The following ADAM7 variants were observed in gnomAD, a reference collection of about 807,000 sequenced individuals.
ADAM7 encodes ADAM metallopeptidase domain 7.
A neutral mutation model predicts 102.9 loss-of-function variants in ADAM7; 97 were observed. That is an observed-to-expected ratio of 0.94 (90% CI 0.80 to 1.12). ADAM7 has a LOEUF of 1.12. ADAM7 is among the 50% of genes most tolerant of loss of function. The pLI, the probability that ADAM7 is intolerant of heterozygous loss-of-function variation, is 0.00. For missense variants in ADAM7, 991 were observed against 908.7 expected (o/e 1.09, Z -1.16); for synonymous variants, 334 against 304.4 (o/e 1.10, Z -1.01).
rs1224850588 is a variant in ADAM7, at chr8:24,482,261, A to G, written c.825A>G (p.Gln275=). 6.2e-7 allele frequency: 1 copy of G among 1,611,642 alleles called. No individual in the cohort carries two copies. Among genetic ancestry groups the G allele is most frequent in the South Asian group, 1.1e-5 (1 of 90,114 alleles). The change falls in exon 9 of 22, where the codon CAA becomes CAG. Residue 275 remains glutamine (Q), a synonymous_variant. Transcript: ENST00000175238. ...ETTLLRFSFW[Q]EKILKTRKDF... The stretch of plus-strand genomic sequence containing the variant: ...CCTTATTGCGTTTTTCATTTTGGCA[A>G]GAAAAGATCCTTAAAACACGGAAGG...
At position 24,465,748 on chromosome 8, in the gene ADAM7, C is replaced by T. The variant is rs1261527756; in HGVS notation, c.362C>T (p.Ala121Val). Residue 121 changes from alanine to valine, a missense_variant, in exon 5 of 22, where the codon GCC becomes GTC. Physicochemically the swap from Ala to Val is moderately conservative, Grantham distance 64. Coordinates refer to ENST00000175238, the MANE Select transcript of ADAM7 (RefSeq NM_003817.4). ...GSIVHEYDSA[A>V]SISTCNGLRG... ...ATAGTACACGAATATGATTCAGCTGCCAGTATCAGTACGTGTAATGGTCTA... is the reference window on the plus strand; with the variant it reads ...ATAGTACACGAATATGATTCAGCTGTCAGTATCAGTACGTGTAATGGTCTA... The T allele has an allele frequency of 4.3e-6, 7 of 1,610,566 alleles. No individual in the cohort carries two copies. In the East Asian group the frequency reaches 1.3e-4, roughly 31 times the overall value.
intron 3 of ADAM7, among the ~76,000 whole-genome samples, chr8:24,461,066 T>C (rs1819225075): frequency 6.6e-6 from 1 of 152,120 alleles, no homozygotes; most frequent in South Asian, 2.1e-4. Context: ...TTCGCCAATT[T>C]TCTGTATGCT....
chr8:24,508,442 A>G (rs1821022639), intron 21 of ADAM7, 104 bp from the exon 22 acceptor site: 1 of 1,192,758 alleles, frequency 8.4e-7, no homozygotes, highest in African/African-American at 1.5e-5. Flanking sequence ...ACTACAGAAC[A>G]CAGAAAGGTT....
At chr8:24,475,890 G>A (rs1173707563) in intron 7 of ADAM7, 1 of 456,126 alleles carries the variant, frequency 2.2e-6, no homozygotes, top group Non-Finnish European at 4.4e-6. Context: ...GAGTAGACTG[G>A]ACATGAAAAG....
At chr8:24,455,728 T>TTTTC (rs1297260003) in intron 3 of ADAM7, among the ~76,000 whole-genome samples, 4 of 152,234 alleles carry the variant, frequency 2.6e-5, no homozygotes, top group Admixed American at 6.5e-5. Flanking sequence ...ACACTGAATT[T>TTTTC]TTTCTTTGTA....
intron 2 of ADAM7, among the ~76,000 whole-genome samples, chr8:24,445,012 G>T (rs1485439994): frequency 6.6e-6 from 1 of 151,906 alleles, no homozygotes; most frequent in Non-Finnish European, 1.5e-5. Context: ...AAACCAAATT[G>T]TTATTAAAAA....
At chr8:24,498,247 T>G (rs1433308643) in intron 16 of ADAM7, among the ~76,000 whole-genome samples, 1 of 151,810 alleles carries the variant, frequency 6.6e-6, no homozygotes, top group Non-Finnish European at 1.5e-5. Context: ...ATAAATAATT[T>G]TGACAATGTA....
intron 9 of ADAM7, 76 bp from the exon 10 acceptor site, chr8:24,485,201 G>A: frequency 7.6e-7 from 1 of 1,319,846 alleles, no homozygotes; most frequent in Non-Finnish European, 1.1e-6. Context: ...CATTGCTGGG[G>A]TTCACTGCAA....
chr8:24,503,576 C>T (rs544034658), intron 20 of ADAM7, among the ~76,000 whole-genome samples: 2 of 152,286 alleles, frequency 1.3e-5, no homozygotes, highest in South Asian at 2.1e-4. Context: ...CACATGCACA[C>T]GTACGTTTAC....
chr8:24,453,233 T>C (rs1818869485), intron 3 of ADAM7, among the ~76,000 whole-genome samples: 1 of 152,138 alleles, frequency 6.6e-6, no homozygotes, highest in Admixed American at 6.5e-5. Context: ...CTGGATAATA[T>C]CTTGCAGAGT....
At chr8:24,460,503 C>T (rs1005722820) in intron 3 of ADAM7, among the ~76,000 whole-genome samples, 1 of 151,936 alleles carries the variant, frequency 6.6e-6, no homozygotes, top group African/African-American at 2.4e-5. Flanking sequence ...TTATTTTTCA[C>T]TTTCCCTGCT....
At position 24,450,920 on chromosome 8, in the gene ADAM7, A is replaced by T. The variant is rs990944817; in HGVS notation, c.233+3658A>T. Among the ~76,000 whole-genome samples the T allele has an allele frequency of 7.6e-4, 115 of 152,134 alleles. 3 individuals are homozygous for T. The highest frequency in any genetic ancestry group is 5.9e-5 in the Non-Finnish European group (4 of 68,020). ...CTATTGAGATAATCATGTGGTTTTC[A>T]TCTTTGGTTCTGTTTATATGCTAGA... is the stretch of plus-strand genomic sequence containing the variant. On this transcript the variant is annotated intron_variant, in intron 3 of 21. Coordinates refer to ENST00000175238, the MANE Select transcript of ADAM7 (RefSeq NM_003817.4).
chr8:24,501,663 C>A, intron 20 of ADAM7, 87 bp downstream of exon 20: 4 of 971,622 alleles, frequency 4.1e-6, no homozygotes, highest in Non-Finnish European at 6.0e-6. Flanking sequence ...CCGTCCTAAG[C>A]TAAGTGACAT....
At chr8:24,466,189 T>A (rs1873709) in intron 5 of ADAM7, among the ~76,000 whole-genome samples, 152,315 of 152,316 alleles carry the variant, frequency 1, 76,157 homozygotes, top group Non-Finnish European at 1. Flanking sequence ...GGCTTGACTC[T>A]TTTAGCTTTT....
intron 16 of ADAM7, among the ~76,000 whole-genome samples, chr8:24,493,546 C>T (rs1303175779): frequency 2.0e-5 from 3 of 152,138 alleles, no homozygotes; most frequent in African/African-American, 7.2e-5. Flanking sequence ...CTTACATCTT[C>T]ATTTATTTTA....
chr8:24,445,271 T>C (rs1818513403), intron 2 of ADAM7, among the ~76,000 whole-genome samples: 1 of 152,182 alleles, frequency 6.6e-6, no homozygotes, highest in Non-Finnish European at 1.5e-5. Flanking sequence ...CCTAGTTTCT[T>C]GGCCTCCCAC....
intron 3 of ADAM7, among the ~76,000 whole-genome samples, chr8:24,452,166 C>T (rs1193638897): frequency 6.6e-6 from 1 of 151,230 alleles, no homozygotes; most frequent in East Asian, 1.9e-4. Context: ...TCTGTTAGGT[C>T]CACTTGGTGC....
chr8:24,451,765 C>T (rs376862976), intron 3 of ADAM7, among the ~76,000 whole-genome samples: 10 of 150,024 alleles, frequency 6.7e-5, no homozygotes, highest in African/African-American at 2.2e-4. Context: ...TGGATCTTTC[C>T]TGCTTTCTCT....
intron 15 of ADAM7, 103 bp downstream of exon 15, chr8:24,492,700 C>T (rs538438091): frequency 1.1e-5 from 8 of 748,100 alleles, no homozygotes; most frequent in African/African-American, 7.1e-5. Context: ...TTACTGAGAC[C>T]GGGAGAAGAG....
Sources: gnomAD v4.1 joint callset for allele counts (sites outside exome capture counted in the v4.1 genomes callset) on GRCh38, gnomAD v4.1.1 for gene constraint, MANE v1.5 for transcripts, NCBI Gene and HGNC (gene_info 2026-07-23, HGNC 2026-07-21) for gene names.